The following ADGRG1 variants were observed in gnomAD, a reference collection of about 807,000 sequenced individuals.
ADGRG1 encodes the protein 7-transmembrane protein with no EGF-like N-terminal domains-1.
A neutral mutation model predicts 73.5 loss-of-function variants in ADGRG1; 53 were observed. The ratio of observed to expected loss-of-function variants is 0.72; its 90% CI spans 0.58 to 0.91. The LOEUF is 0.91. Among genes scored for constraint, ADGRG1 ranks in the 40% least tolerant of loss-of-function variants. The pLI is 0.00. For synonymous variants in ADGRG1, 394 were observed against 374.4 expected (o/e 1.05, Z -0.60); for missense variants, 795 against 871.8 (o/e 0.91, Z 1.11).
chr16:57,624,224 G>A (rs533714230), upstream of ADGRG1: 19 of 958,648 alleles, frequency 2.0e-5, no homozygotes, highest in South Asian at 8.2e-4. Flanking sequence ...CTGAGGCTGG[G>A]CGCAGTGGCT....
chr16:57,631,611 A>C, intron 1 of ADGRG1: 1 of 985,420 alleles, frequency 1.0e-6, no homozygotes, highest in Non-Finnish European at 1.2e-6. Flanking sequence ...TCTGACTCAC[A>C]GCAGATGGGG....
chr16:57,654,414 C>A (rs1457714217), intron 5 of ADGRG1, among the ~76,000 whole-genome samples: 7 of 135,316 alleles, frequency 5.2e-5, no homozygotes, highest in East Asian at 2.6e-4. Flanking sequence ...CACGCACCCC[C>A]CCCCCCCGTT....
intron 1 of ADGRG1, among the ~76,000 whole-genome samples, chr16:57,648,926 A>G (rs1454861570): frequency 6.6e-6 from 1 of 152,230 alleles, no homozygotes; most frequent in African/African-American, 2.4e-5. Flanking sequence ...CAAGTCATTT[A>G]ACTCCATGGG....
At chr16:57,650,539 G>C in intron 2 of ADGRG1, 188 bp downstream of exon 2, 1 of 480,956 alleles carries the variant, frequency 2.1e-6, no homozygotes, top group East Asian at 1.5e-4. Flanking sequence ...GCACAGCTTA[G>C]GGTATGGAAT....
upstream of ADGRG1, among the ~76,000 whole-genome samples, chr16:57,624,428 G>A (rs1430859240): frequency 6.6e-6 from 1 of 152,178 alleles, no homozygotes; most frequent in Non-Finnish European, 1.5e-5. Flanking sequence ...TTGAGCCCAG[G>A]AGATTGAGGC....
At position 57,659,535 on chromosome 16, in the gene ADGRG1, G is replaced by A. The variant is rs549517028; in HGVS notation, c.1409G>A (p.Arg470Gln). The A allele has an allele frequency of 1.5e-5, 25 of 1,614,058 alleles. No homozygotes were observed. The highest frequency in any genetic ancestry group is 3.3e-5 in the Admixed American group (2 of 60,034). The part of the protein sequence containing the change: ...VALTGSEAGC[R>Q]ASAIFLHFSL... The stretch of plus-strand genomic sequence containing the variant: ...CTGACAGGCTCTGAGGCTGGCTGCC[G>A]AGCCAGTGCCATCTTCCTGCACTTC... Residue 470 changes from arginine (R) to glutamine (Q), a missense_variant, in exon 11 of 14, where the codon CGA (arginine) becomes CAA (glutamine). Physicochemically the swap from Arg to Gln is conservative, Grantham distance 43. Coordinates refer to ENST00000562631, the MANE Select transcript of ADGRG1 (RefSeq NM_201525.4).
chr16:57,622,893 C>A, upstream of ADGRG1: 1 of 985,446 alleles, frequency 1.0e-6, no homozygotes, highest in Non-Finnish European at 1.2e-6. Context: ...CCCTAAGGAA[C>A]TGCATTCTGC....
chr16:57,648,588 C>A (rs969940402), intron 1 of ADGRG1: 5 of 984,672 alleles, frequency 5.1e-6, no homozygotes, highest in Non-Finnish European at 6.0e-6. Flanking sequence ...GCCTGGGACA[C>A]CCCTTCTTTT....
At chr16:57,641,091 T>C (rs2040706092) in intron 1 of ADGRG1, 1 of 974,626 alleles carries the variant, frequency 1.0e-6, no homozygotes, top group South Asian at 4.7e-5. Flanking sequence ...CCTGTAGGCA[T>C]CCTGAAGCCT....
intron 1 of ADGRG1, chr16:57,630,313 G>T (rs2037429023): frequency 1.0e-6 from 1 of 960,954 alleles, no homozygotes; most frequent in African/African-American, 1.8e-5. Flanking sequence ...GGTCCTGTTG[G>T]GCTCTTTCCT....
Position 57,647,559 on chromosome 16 carries a change from C to T in ADGRG1, c.-35-2694C>T, listed in dbSNP as rs116124945. ...AGGTTGACTTCTTTATTCTTCTTTACTAGTGAGGAAAGCGAGGCCCAGAGA... is the reference window on the plus strand; with the variant it reads ...AGGTTGACTTCTTTATTCTTCTTTATTAGTGAGGAAAGCGAGGCCCAGAGA... On this transcript the variant is annotated intron_variant, in intron 1 of 13. Coordinates refer to ENST00000562631, the MANE Select transcript of ADGRG1 (RefSeq NM_201525.4). 1,507 of 543,310 alleles carry T rather than the reference C, an allele frequency of 2.8e-3. 17 individuals carry two copies. Among genetic ancestry groups the T allele is most frequent in the African/African-American group, 0.025 (1,241 of 49,110 alleles). 33.7% of individuals were successfully genotyped at this position (543,310 alleles called of 1,614,324 possible). A position where few individuals can be genotyped will look rare whatever the true frequency, so the allele number is the denominator to read the frequency against.
upstream of ADGRG1, chr16:57,626,980 G>A (rs893675011): frequency 2.0e-6 from 2 of 985,448 alleles, no homozygotes; most frequent in African/African-American, 1.7e-5. Context: ...AGAGAGCAGA[G>A]GGTATGACAT....
intron 1 of ADGRG1, chr16:57,630,232 G>C: frequency 2.3e-6 from 1 of 442,042 alleles, no homozygotes; most frequent in Non-Finnish European, 3.0e-6. Context: ...GTCAGAGACT[G>C]TGTGAGAAGG....
chr16:57,656,403 G>C, intron 8 of ADGRG1, 111 bp from the exon 9 acceptor site: 1 of 1,609,640 alleles, frequency 6.2e-7, no homozygotes, highest in Non-Finnish European at 8.5e-7. Context: ...AGCGATGGCA[G>C]GCTATGAGTA....
intron 1 of ADGRG1, chr16:57,636,003 G>A (rs1184941492): frequency 1.0e-6 from 1 of 985,170 alleles, no homozygotes; most frequent in Non-Finnish European, 1.2e-6. Context: ...TAGTCCTCGG[G>A]ACACACCCCA....
intron 1 of ADGRG1, among the ~76,000 whole-genome samples, chr16:57,644,751 C>T (rs541446492): frequency 1.7e-4 from 22 of 130,108 alleles, no homozygotes; most frequent in African/African-American, 6.0e-4. Context: ...CACGTATGCA[C>T]GGGCACACAC....
Position 57,660,388 on chromosome 16 carries a change from C to T in ADGRG1, c.1556-380C>T, listed in dbSNP as rs75636583. The T allele has an allele frequency of 4.5e-3, 4,425 of 984,866 alleles. 142 individuals carry two copies. In the African/African-American group the frequency reaches 0.066, roughly 15 times the overall value. The allele number at this position is 984,866 out of a possible 1,614,324, so 61.0% of individuals were successfully genotyped here. A position where few individuals can be genotyped will look rare whatever the true frequency, so the allele number is the denominator to read the frequency against. ...TAGGGAGCTTCTAATCTCCACCGAA[C>T]GGGCGAGGTCAAGGCCCAGTGCAGA... On this transcript the variant is annotated intron_variant, in intron 11 of 13. Coordinates refer to ENST00000562631, the MANE Select transcript of ADGRG1 (RefSeq NM_201525.4).
At chr16:57,635,261 C>A in intron 1 of ADGRG1, 2 of 985,012 alleles carry the variant, frequency 2.0e-6, no homozygotes, top group Non-Finnish European at 2.4e-6. Context: ...TGCACAGCTT[C>A]CTCAAAGCTG....
intron 4 of ADGRG1, 174 bp downstream of exon 4, chr16:57,653,509 C>T: frequency 1.0e-6 from 1 of 985,378 alleles, no homozygotes; most frequent in Non-Finnish European, 1.2e-6. Flanking sequence ...AGGCTGAGCC[C>T]TCTCCTGTCT....
Sources: gnomAD v4.1 joint callset for allele counts (sites outside exome capture counted in the v4.1 genomes callset) on GRCh38, gnomAD v4.1.1 for gene constraint, MANE v1.5 for transcripts, NCBI Gene and HGNC (gene_info 2026-07-23, HGNC 2026-07-21) for gene names.